Variants in TRIM9 observed in about 807,000 individuals in gnomAD.
The protein encoded by TRIM9 is tripartite motif containing 9, also known as E3 ubiquitin-protein ligase TRIM9.
TRIM9 carries 26 observed loss-of-function variants against 78.3 expected under a neutral mutation model. That is an observed-to-expected ratio of 0.33 (90% CI 0.24 to 0.46). TRIM9 has a LOEUF of 0.46. TRIM9 is among the 20% of genes least tolerant of loss of function. The probability of loss-of-function intolerance (pLI) is 1.00; values close to 1 mark genes in which losing one functional copy is unlikely to be tolerated. For missense variants in TRIM9, 787 were observed against 1,036.4 expected, an observed-to-expected ratio of 0.76 and a Z score of 3.30; for synonymous variants, 398 against 416.5, an observed-to-expected ratio of 0.96 and a Z score of 0.54.
At position 50,977,063 on chromosome 14, in the gene TRIM9, T is replaced by C. The variant is rs1566533946; in HGVS notation, c.*228A>G. The C allele has an allele frequency of 5.5e-6, 2 of 364,586 alleles. No individual in the cohort carries two copies. The highest frequency in any genetic ancestry group is 4.6e-5 in the Admixed American group (1 of 21,566). 22.6% of individuals were successfully genotyped at this position (364,586 alleles called of 1,614,324 possible). Reference sequence around the variant, plus strand: ...CTTGGTGGGCTGTCTAGGTCCTTTGTTGGTTAGAATTGTTGGACATGGAAG... The same window carrying C: ...CTTGGTGGGCTGTCTAGGTCCTTTGCTGGTTAGAATTGTTGGACATGGAAG... On this transcript the variant is annotated 3_prime_UTR_variant, in exon 13 of 13. Transcript: ENST00000684578.
At chr14:50,998,534 A>T (rs1167788408) in intron 6 of TRIM9, among the ~76,000 whole-genome samples, 1 of 152,184 alleles carries the variant, frequency 6.6e-6, no homozygotes, top group Non-Finnish European at 1.5e-5. Context: ...TATAGTTCAG[A>T]TTACACTTAT....
intron 5 of TRIM9, among the ~76,000 whole-genome samples, chr14:51,005,592 TA>T (rs1022460044): frequency 3.9e-5 from 6 of 152,192 alleles, no homozygotes; most frequent in Non-Finnish European, 7.3e-5. Flanking sequence ...GGAGAAGACT[TA>T]AAATTTCCTT....
chr14:51,053,597 T>TTA (rs1566619549), intron 1 of TRIM9, among the ~76,000 whole-genome samples: 1 of 91,908 alleles, frequency 1.1e-5, no homozygotes. Context: ...TTTTTTTAAT[T>TTA]TTTTTTTTTT....
chr14:51,075,375 T>C (rs1048254582), intron 1 of TRIM9, among the ~76,000 whole-genome samples: 1 of 152,212 alleles, frequency 6.6e-6, no homozygotes, highest in Non-Finnish European at 1.5e-5. Flanking sequence ...TTAAAAAAAA[T>C]GTTTTAAAGC....
intron 1 of TRIM9, among the ~76,000 whole-genome samples, chr14:51,082,767 T>A (rs1048111854): frequency 1.3e-5 from 2 of 152,200 alleles, no homozygotes; most frequent in African/African-American, 4.8e-5. Flanking sequence ...GTATGTGAGT[T>A]ACATCTCAAA....
chr14:50,999,014 T>C (rs967654164), intron 6 of TRIM9, among the ~76,000 whole-genome samples: 1 of 152,210 alleles, frequency 6.6e-6, no homozygotes, highest in Non-Finnish European at 1.5e-5. Context: ...TGGAATATTA[T>C]GTCCTCTCAT....
intron 6 of TRIM9, among the ~76,000 whole-genome samples, chr14:51,000,252 C>T (rs187568880): frequency 8.5e-5 from 13 of 152,238 alleles, no homozygotes; most frequent in Admixed American, 5.2e-4. Flanking sequence ...TAATAATGAA[C>T]GCTTGCTATG....
At chr14:51,079,711 A>G (rs1164258060) in intron 1 of TRIM9, among the ~76,000 whole-genome samples, 1 of 152,162 alleles carries the variant, frequency 6.6e-6, no homozygotes, top group Non-Finnish European at 1.5e-5. Context: ...GGGCAAGTCA[A>G]TGTCAGGCTG....
intron 1 of TRIM9, among the ~76,000 whole-genome samples, chr14:51,026,640 C>T (rs1407193445): frequency 6.6e-6 from 1 of 152,150 alleles, no homozygotes; most frequent in Non-Finnish European, 1.5e-5. Context: ...TCTCTTGGTG[C>T]TGTGAATGCT....
At chr14:51,061,753 T>C (rs1223665519) in intron 1 of TRIM9, among the ~76,000 whole-genome samples, 10 of 152,234 alleles carry the variant, frequency 6.6e-5, no homozygotes, top group Non-Finnish European at 1.3e-4. Flanking sequence ...TATTTTTACA[T>C]ACACAATCCA....
intron 3 of TRIM9, among the ~76,000 whole-genome samples, chr14:51,021,525 A>G (rs2057760043): frequency 6.6e-6 from 1 of 152,190 alleles, no homozygotes; most frequent in African/African-American, 2.4e-5. Flanking sequence ...AAACTCCATA[A>G]GGGCAGAAGT....
At chr14:51,078,082 C>T (rs1458762691) in intron 1 of TRIM9, among the ~76,000 whole-genome samples, 2 of 152,212 alleles carry the variant, frequency 1.3e-5, no homozygotes, top group Non-Finnish European at 2.9e-5. Flanking sequence ...GTGGTCTCAT[C>T]ATCAGTATCC....
At chr14:51,061,076 A>AT (rs1039170512) in intron 1 of TRIM9, among the ~76,000 whole-genome samples, 1 of 152,078 alleles carries the variant, frequency 6.6e-6, no homozygotes, top group African/African-American at 2.4e-5. Flanking sequence ...GCATTCCTAC[A>AT]TTTTTTGTGA....
intron 6 of TRIM9, among the ~76,000 whole-genome samples, chr14:50,999,046 G>A (rs895180365): frequency 2.0e-5 from 3 of 152,054 alleles, no homozygotes; most frequent in African/African-American, 4.8e-5. Flanking sequence ...CAAACTTTAC[G>A]TGCATATGAA....
intron 1 of TRIM9, among the ~76,000 whole-genome samples, chr14:51,065,566 C>T (rs2061664930): frequency 6.6e-6 from 1 of 152,164 alleles, no homozygotes; most frequent in Non-Finnish European, 1.5e-5. Context: ...GAAGTAAGGA[C>T]ACACATTTTT....
At chr14:51,084,173 C>CT (rs34201811) in intron 1 of TRIM9, among the ~76,000 whole-genome samples, 2,326 of 151,580 alleles carry the variant, frequency 0.015, 23 homozygotes, top group African/African-American at 0.034. Context: ...CTTTTCCACA[C>CT]TTTTTTTTTA....
At position 50,982,011 on chromosome 14, in the gene TRIM9, G is replaced by A. The variant is rs758344911; in HGVS notation, c.1951C>T (p.Arg651Trp). Residue 651 changes from arginine to tryptophan, a missense_variant, in exon 11 of 13, where the codon CGG (arginine) becomes TGG (tryptophan). By Grantham distance (101) the Arg-to-Trp change is moderately radical (BLOSUM62 -3). Around this residue, in one of 3 missense-constraint regions of TRIM9, gnomAD observed 421 missense variants for 514.3 expected, o/e 0.82. Transcript: ENST00000684578. ...LTVTCSSYDDRVVLGKTGFSK... is the reference protein window; with the variant it reads ...LTVTCSSYDDWVVLGKTGFSK... ...AAGCCAGTCTTCCCTAGCACCACCC[G>A]GTCATCATAGCTACTACAGGTCACT... 8.7e-6 allele frequency: 14 copies of A among 1,614,120 alleles called. No homozygotes were observed. Among genetic ancestry groups the A allele is most frequent in the South Asian group, 1.1e-5 (1 of 91,076 alleles).
chr14:50,983,520 A>G, intron 8 of TRIM9, 99 bp from the exon 9 acceptor site: 4 of 844,866 alleles, frequency 4.7e-6, no homozygotes, highest in Non-Finnish European at 7.1e-6. Flanking sequence ...TATAGATACC[A>G]GAGGCCTGAT....
Position 51,009,085 on chromosome 14 carries a change from A to C in TRIM9, c.1301T>G (p.Val434Gly). 9 of 1,613,884 alleles carry C rather than the reference A, an allele frequency of 5.6e-6. No individual in the cohort carries two copies. The highest frequency in any genetic ancestry group is 7.6e-6 in the Non-Finnish European group (9 of 1,179,844). ...QSIHQLDFVQVKASSPVPATP... is the reference protein window; with the variant it reads ...QSIHQLDFVQGKASSPVPATP... ...TGGGGGATGCAAGGACATACCTTTC[A>C]CTTGCACGAAATCCAGCTGGTGGAT... is the stretch of plus-strand genomic sequence containing the variant. The change falls in exon 5 of 13, where the codon GTG (valine) becomes GGG (glycine). Residue 434 changes from valine (V) to glycine (G), a missense_variant. By Grantham distance (109) the Val-to-Gly change is moderately radical. Coordinates refer to ENST00000684578, the MANE Select transcript of TRIM9 (RefSeq NM_001387360.1).
Sources: gnomAD v4.1 joint callset for allele counts (sites outside exome capture counted in the v4.1 genomes callset) on GRCh38, gnomAD v4.1.1 for gene constraint, gnomAD v4.1.1 regional missense constraint, MANE v1.5 for transcripts, NCBI Gene and HGNC (gene_info 2026-07-23, HGNC 2026-07-21) for gene names.